The following GNG4 variants were observed in gnomAD, a reference collection of about 807,000 sequenced individuals.
The protein encoded by GNG4 is G protein subunit gamma 4.
GNG4 carries 4 observed loss-of-function variants against 5.8 expected under a neutral mutation model. The observed-to-expected ratio is 0.69, with a 90% confidence interval of 0.34 to 1.57. The LOEUF is 1.57. Ranked by LOEUF, GNG4 falls within the 40% of genes most tolerant of loss-of-function variation. GNG4 has a pLI of 0.06. For missense variants in GNG4, 96 were observed against 95.1 expected, an observed-to-expected ratio of 1.01 and a Z score of -0.04; for synonymous variants, 29 against 32.9, an observed-to-expected ratio of 0.88 and a Z score of 0.41.
rs114562490 is a variant in GNG4, at chr1:235,582,485, C to T, written c.99+1255G>A. ...AGGAGACTGTCGCCTTCACATTTCT[C>T]TCCCAGGACCCTTCAAGTATAGATT... is the stretch of plus-strand genomic sequence containing the variant. On this transcript the variant is annotated intron_variant, in intron 3 of 3. Coordinates refer to ENST00000391854, the MANE Select transcript of GNG4 (RefSeq NM_001098722.2). Among the ~76,000 whole-genome samples, 992 of 152,332 alleles carry T rather than the reference C, an allele frequency of 6.5e-3. 8 individuals are homozygous for T. Among genetic ancestry groups the T allele is most frequent in the African/African-American group, 0.023 (937 of 41,566 alleles).
rs553679361 is a variant in GNG4 at position 235,637,755 on chromosome 1, G to A, written c.-123+11907C>T. ...TTTTCGATGCATAAGGATGCTGCGG[G>A]CACTTAACCAGATGTCTGCCCTTCA... On this transcript the variant is annotated intron_variant, in intron 1 of 3. Coordinates refer to ENST00000391854, the MANE Select transcript of GNG4 (RefSeq NM_001098722.2). 2.6e-5 allele frequency among the ~76,000 whole-genome samples: 4 copies of A among 152,282 alleles called. No individual in the cohort carries two copies. The South Asian group carries it at 8.3e-4, about 32-fold the overall frequency.
At chr1:235,562,221 GTCTT>G (rs1458997131) in intron 3 of GNG4, among the ~76,000 whole-genome samples, 1 of 152,172 alleles carries the variant, frequency 6.6e-6, no homozygotes, top group African/African-American at 2.4e-5. Context: ...TTTATAGTAA[GTCTT>G]TCAGTCAGGT....
At chr1:235,594,184 CTAGA>C (rs2102955109) in intron 2 of GNG4, among the ~76,000 whole-genome samples, 1 of 152,312 alleles carries the variant, frequency 6.6e-6, no homozygotes, top group African/African-American at 2.4e-5. Context: ...ACCAGCGTAG[CTAGA>C]TACAGAGTGT....
chr1:235,575,781 C>T (rs1687468344), intron 3 of GNG4, among the ~76,000 whole-genome samples: 1 of 152,232 alleles, frequency 6.6e-6, no homozygotes, highest in African/African-American at 2.4e-5. Flanking sequence ...TCAGCAATTT[C>T]CCTTTCCTGT....
chr1:235,584,357 T>A (rs1687711805), intron 2 of GNG4, among the ~76,000 whole-genome samples: 2 of 152,198 alleles, frequency 1.3e-5, no homozygotes. Context: ...GAACTCAAAC[T>A]CAAAGCTTTG....
In GNG4 at chr1:235,642,184, G is replaced by A. The variant is rs1182734528; in HGVS notation, c.-123+7478C>T. The stretch of plus-strand genomic sequence containing the variant: ...GGTCCGAGGCGAACGCAGGGTGGAA[G>A]AACCCGAGCGAGGCCCGGCAGGGGC... On this transcript the variant is annotated intron_variant, in intron 1 of 3. Coordinates refer to ENST00000391854, the MANE Select transcript of GNG4 (RefSeq NM_001098722.2). This position sits in a 1 kb window ranked among gnomAD's most constrained non-coding sequence, Gnocchi z 4.3. Among the ~76,000 whole-genome samples, 2 of 152,218 alleles carry A rather than the reference G, an allele frequency of 1.3e-5. No homozygotes were observed. Among genetic ancestry groups the A allele is most frequent in the African/African-American group, 4.8e-5 (2 of 41,446 alleles).
chr1:235,587,551 GGGT>G (rs1558486190), intron 2 of GNG4, among the ~76,000 whole-genome samples: 69 of 18,260 alleles, frequency 3.8e-3, no homozygotes, highest in Non-Finnish European at 6.2e-3. Flanking sequence ...GTGTGGGTTG[GGGT>G]TGTGAATGTG....
chr1:235,596,211 C>CAAAAT (rs1425981737), intron 1 of GNG4, among the ~76,000 whole-genome samples: 1 of 72,850 alleles, frequency 1.4e-5, no homozygotes, highest in Admixed American at 1.6e-4. Context: ...AAACAAAATA[C>CAAAAT]ACACACACAC....
At chr1:235,593,371 G>A (rs1030609971) in intron 2 of GNG4, among the ~76,000 whole-genome samples, 3 of 152,158 alleles carry the variant, frequency 2.0e-5, no homozygotes, top group Non-Finnish European at 2.9e-5. Context: ...CCTGACTCAC[G>A]GCACAGTACT....
chr1:235,587,446 GTGTGA>G (rs1157015833), intron 2 of GNG4, among the ~76,000 whole-genome samples: 8 of 70,576 alleles, frequency 1.1e-4, no homozygotes, highest in Non-Finnish European at 2.3e-4. Context: ...GGGTGAGCGT[GTGTGA>G]GGGTACAGGG....
chr1:235,561,894 GTCAC>G (rs1285074323), intron 3 of GNG4, among the ~76,000 whole-genome samples: 1 of 152,158 alleles, frequency 6.6e-6, no homozygotes, highest in East Asian at 1.9e-4. Flanking sequence ...CAAACCCAAG[GTCAC>G]TTAGATTTCC....
At chr1:235,556,317 T>TG (rs1211054479) in intron 3 of GNG4, among the ~76,000 whole-genome samples, 2 of 151,206 alleles carry the variant, frequency 1.3e-5, no homozygotes, top group African/African-American at 4.9e-5. Context: ...CCCAGCACTT[T>TG]GGGGGGCCGA....
chr1:235,564,593 T>C (rs1687147074), intron 3 of GNG4, among the ~76,000 whole-genome samples: 1 of 152,240 alleles, frequency 6.6e-6, no homozygotes, highest in Non-Finnish European at 1.5e-5. Flanking sequence ...TCTAGGATTG[T>C]CATAGTCTAC....
intron 1 of GNG4, among the ~76,000 whole-genome samples, chr1:235,630,351 G>A (rs895493543): frequency 2.0e-5 from 3 of 152,188 alleles, no homozygotes; most frequent in African/African-American, 4.8e-5. Context: ...TTCAAATGCC[G>A]TAAGTACTTG....
chr1:235,580,003 G>T (rs772456866), intron 3 of GNG4, among the ~76,000 whole-genome samples: 18 of 152,162 alleles, frequency 1.2e-4, no homozygotes, highest in Non-Finnish European at 2.2e-4. Flanking sequence ...TCCAAAGGTG[G>T]AGATAACCCA....
intron 3 of GNG4, among the ~76,000 whole-genome samples, chr1:235,570,386 C>T (rs79883788): frequency 0.043 from 6,205 of 143,118 alleles, 410 homozygotes; most frequent in African/African-American, 0.14. Context: ...TCGTTAGTTT[C>T]ACCTCTTCTT....
Position 235,574,885 on chromosome 1 carries a change from C to T in GNG4, c.99+8855G>A, listed in dbSNP as rs112597712. On this transcript the variant is annotated intron_variant, in intron 3 of 3. Coordinates refer to ENST00000391854, the MANE Select transcript of GNG4 (RefSeq NM_001098722.2). ...TGTTGCCCAGGTTGGAATGCAGTGG[C>T]GCAATCTCAGCTCACTGCAACCTCC... Among the ~76,000 whole-genome samples, 49 of 152,200 alleles carry T rather than the reference C, an allele frequency of 3.2e-4. 1 individual carries two copies. Among genetic ancestry groups the T allele is most frequent in the African/African-American group, 1.2e-3 (49 of 41,518 alleles).
At position 235,642,664 on chromosome 1, in the gene GNG4, A is replaced by C. The variant is rs1462880389; in HGVS notation, c.-123+6998T>G. 6.6e-6 allele frequency among the ~76,000 whole-genome samples: 1 copy of C among 152,056 alleles called. No individual in the cohort carries two copies. The highest frequency in any genetic ancestry group is 1.5e-5 in the Non-Finnish European group (1 of 67,990). Reference sequence around the variant, plus strand: ...CTCTTTTAAGGGAATCCTATGCATGAAAGTCTGTGTAAGAAAGGGTGTGCC... The same window carrying C: ...CTCTTTTAAGGGAATCCTATGCATGCAAGTCTGTGTAAGAAAGGGTGTGCC... On this transcript the variant is annotated intron_variant, in intron 1 of 3. Coordinates refer to ENST00000391854, the MANE Select transcript of GNG4 (RefSeq NM_001098722.2). This position sits in a 1 kb window ranked among gnomAD's most constrained non-coding sequence, Gnocchi z 4.3.
chr1:235,612,548 G>A (rs577772841), intron 1 of GNG4, among the ~76,000 whole-genome samples: 11 of 152,104 alleles, frequency 7.2e-5, no homozygotes, highest in African/African-American at 2.2e-4. Flanking sequence ...TTTTGGAGAC[G>A]GGGTCTCACT....
Sources: gnomAD v4.1 joint callset for allele counts (sites outside exome capture counted in the v4.1 genomes callset) on GRCh38, gnomAD v4.1.1 for gene constraint, Gnocchi (gnomAD v3.1) non-coding constraint, MANE v1.5 for transcripts, NCBI Gene and HGNC (gene_info 2026-07-23, HGNC 2026-07-21) for gene names.